ROBO2: variants seen among roughly 807,000 people sequenced by gnomAD.
ROBO2 encodes the protein roundabout homolog 2.
A neutral mutation model predicts 160.8 loss-of-function variants in ROBO2; 53 were observed. That is an observed-to-expected ratio of 0.33 (90% CI 0.26 to 0.41). The LOEUF (loss-of-function observed/expected upper bound fraction) is 0.41, where lower values mean the gene tolerates loss of function less well. ROBO2 is among the 10% of genes least tolerant of loss of function. ROBO2 has a pLI of 1.00. For missense variants in ROBO2, 1,577 were observed against 1,722.4 expected (o/e 0.92, Z 1.49); for synonymous variants, 664 against 611.7 (o/e 1.09, Z -1.26).
chr3:76,488,494 C>T (rs1384776459), intron 2 of ROBO2, among the ~76,000 whole-genome samples: 1 of 152,168 alleles, frequency 6.6e-6, no homozygotes, highest in Non-Finnish European at 1.5e-5. Flanking sequence ...CTCTCCACAG[C>T]ATATCAGCTG....
intron 5 of ROBO2, among the ~76,000 whole-genome samples, chr3:77,507,226 G>A (rs2088674634): frequency 6.6e-6 from 1 of 152,090 alleles, no homozygotes; most frequent in East Asian, 1.9e-4. Context: ...ATTTCAAGAG[G>A]AAGTTTCTCT....
At chr3:76,264,185 A>G (rs574639339) in intron 2 of ROBO2, among the ~76,000 whole-genome samples, 53 of 152,266 alleles carry the variant, frequency 3.5e-4, no homozygotes, top group East Asian at 1.9e-4. Flanking sequence ...ATGTGTACCT[A>G]TGTAACAAAC....
At chr3:76,126,637 C>A (rs1038834895) in intron 2 of ROBO2, among the ~76,000 whole-genome samples, 5 of 151,986 alleles carry the variant, frequency 3.3e-5, no homozygotes, top group Admixed American at 2.6e-4. Context: ...TCCTATTAAA[C>A]CCAGTTCAAA....
chr3:77,147,537 A>G (rs1352143521), intron 2 of ROBO2, among the ~76,000 whole-genome samples: 1 of 152,208 alleles, frequency 6.6e-6, no homozygotes, highest in Non-Finnish European at 1.5e-5. Flanking sequence ...TTCAAAAATA[A>G]ATTGTATTAA....
At chr3:77,325,880 T>C (rs2065328740) in intron 2 of ROBO2, among the ~76,000 whole-genome samples, 1 of 152,208 alleles carries the variant, frequency 6.6e-6, no homozygotes, top group Admixed American at 6.5e-5. Context: ...ATGGAAAAGC[T>C]GGGACGCAAA....
At chr3:77,529,277 A>T (rs2091443803) in intron 6 of ROBO2, among the ~76,000 whole-genome samples, 1 of 151,574 alleles carries the variant, frequency 6.6e-6, no homozygotes, top group Admixed American at 6.6e-5. Flanking sequence ...AAACTTTGCA[A>T]CCTTATTTAG....
chr3:77,463,353 A>G (rs758186185), intron 2 of ROBO2, among the ~76,000 whole-genome samples: 5 of 152,150 alleles, frequency 3.3e-5, no homozygotes, highest in South Asian at 2.1e-4. Context: ...CAAAATTTAT[A>G]CTTTTAGATT....
intron 2 of ROBO2, among the ~76,000 whole-genome samples, chr3:77,386,510 T>C (rs1206036376): frequency 6.6e-6 from 1 of 152,022 alleles, no homozygotes; most frequent in Non-Finnish European, 1.5e-5. Context: ...ATCAGGTACA[T>C]TTCAGTTAAT....
intron 1 of ROBO2, among the ~76,000 whole-genome samples, chr3:77,087,905 G>A (rs1299067005): frequency 6.6e-6 from 1 of 151,752 alleles, no homozygotes; most frequent in African/African-American, 2.4e-5. Flanking sequence ...TATTTCTATT[G>A]TATATTCATA....
chr3:77,016,732 C>A (rs775061027), intron 2 of ROBO2, among the ~76,000 whole-genome samples: 9 of 152,188 alleles, frequency 5.9e-5, no homozygotes, highest in Non-Finnish European at 1.3e-4. Context: ...CCCGAGGCCA[C>A]ACCGCCAGGA....
At chr3:76,446,676 C>G (rs943200401) in intron 2 of ROBO2, among the ~76,000 whole-genome samples, 1 of 152,194 alleles carries the variant, frequency 6.6e-6, no homozygotes, top group African/African-American at 2.4e-5. Context: ...CAGCATGGTA[C>G]TGGTACCAAA....
chr3:76,351,715 A>T (rs528684874), intron 2 of ROBO2, among the ~76,000 whole-genome samples: 1 of 152,098 alleles, frequency 6.6e-6, no homozygotes, highest in East Asian at 1.9e-4. Context: ...ACATACATGT[A>T]AATATATGAG....
intron 2 of ROBO2, among the ~76,000 whole-genome samples, chr3:75,967,267 C>T (rs559794380): frequency 1.2e-4 from 18 of 151,548 alleles, no homozygotes; most frequent in Admixed American, 1.1e-3. Context: ...AGTTCATATC[C>T]CAGGACTTTT....
chr3:77,084,150 T>C (rs1217942944), intron 1 of ROBO2, among the ~76,000 whole-genome samples: 1 of 151,976 alleles, frequency 6.6e-6, no homozygotes, highest in Non-Finnish European at 1.5e-5. Context: ...ATAATGGAAA[T>C]TCGTAACAAA....
chr3:75,943,372 A>G (rs1051796188), intron 2 of ROBO2, among the ~76,000 whole-genome samples: 14 of 152,264 alleles, frequency 9.2e-5, no homozygotes, highest in African/African-American at 3.4e-4. Flanking sequence ...ATTTAGGAAA[A>G]ATATTTTAAA....
chr3:76,214,871 G>A (rs140110611), intron 2 of ROBO2, among the ~76,000 whole-genome samples: 6,209 of 152,264 alleles, frequency 0.041, 358 homozygotes, highest in East Asian at 0.22. Flanking sequence ...CTCCTCAAGT[G>A]GGTCCCTGAC....
chr3:77,456,561 AAAAAG>A (rs1260614671), intron 2 of ROBO2, among the ~76,000 whole-genome samples: 2 of 152,352 alleles, frequency 1.3e-5, no homozygotes, highest in Admixed American at 6.5e-5. Flanking sequence ...TGGCGAATCC[AAAAAG>A]AAAAGAAAAG....
chr3:77,616,717 G>A (rs1583305295), intron 21 of ROBO2, among the ~76,000 whole-genome samples: 2 of 152,104 alleles, frequency 1.3e-5, no homozygotes, highest in East Asian at 3.9e-4. Context: ...ACAGAGAATT[G>A]AAATAAAAAA....
At chr3:76,549,113 C>A (rs1010931495) in intron 2 of ROBO2, among the ~76,000 whole-genome samples, 2 of 151,776 alleles carry the variant, frequency 1.3e-5, no homozygotes, top group Admixed American at 6.6e-5. Flanking sequence ...GGTTGGGGTG[C>A]GAGAAGAATA....
Sources: allele counts gnomAD v4.1 joint callset (sites outside exome capture counted in the v4.1 genomes callset), GRCh38; gene constraint gnomAD v4.1.1; transcripts MANE v1.5; gene names NCBI Gene and HGNC (gene_info 2026-07-23, HGNC 2026-07-21).